ADCY5: variants seen among roughly 807,000 people sequenced by gnomAD.
ADCY5 encodes adenylate cyclase type 5.
Under a neutral mutation model 119.7 loss-of-function variants are expected in ADCY5, and 30 were observed. The ratio of observed to expected loss-of-function variants is 0.25; its 90% CI spans 0.19 to 0.34. The LOEUF is 0.34. Among genes scored for constraint, ADCY5 ranks in the 10% least tolerant of loss-of-function variants. The pLI is 1.00. For missense variants in ADCY5, 1,324 were observed against 1,775.2 expected, an observed-to-expected ratio of 0.75 and a Z score of 4.57; for synonymous variants, 753 against 762.2, an observed-to-expected ratio of 0.99 and a Z score of 0.20.
chr3:123,421,943 C>T (rs768539330), intron 1 of ADCY5, among the ~76,000 whole-genome samples: 98 of 152,148 alleles, frequency 6.4e-4, no homozygotes, highest in Non-Finnish European at 1.1e-3. Context: ...CCTCAACTCA[C>T]GGCCTTCTCC....
At chr3:123,360,317 G>A (rs1205779790) in intron 1 of ADCY5, among the ~76,000 whole-genome samples, 1 of 151,962 alleles carries the variant, frequency 6.6e-6, no homozygotes, top group East Asian at 1.9e-4. Flanking sequence ...AGACAACATC[G>A]CCTTTCTCCT....
At chr3:123,413,257 G>A (rs148428457) in intron 1 of ADCY5, among the ~76,000 whole-genome samples, 192 of 152,310 alleles carry the variant, frequency 1.3e-3, no homozygotes, top group African/African-American at 4.0e-3. Flanking sequence ...CCTAAAACAC[G>A]GAACACGGAA....
intron 3 of ADCY5, among the ~76,000 whole-genome samples, chr3:123,333,306 C>A (rs559921095): frequency 6.6e-6 from 1 of 152,344 alleles, no homozygotes; most frequent in South Asian, 2.1e-4. Flanking sequence ...GCCTCCAGAA[C>A]CGTGAGAAAT....
Position 123,448,122 on chromosome 3 carries a change from C to T in ADCY5, c.424G>A (p.Ala142Thr). Residue 142 changes from alanine to threonine, a missense_variant, in exon 1 of 21, where the codon GCG becomes ACG. This residue lies in a region of ADCY5 where 585 missense variants were observed against 569.9 expected (regional missense o/e 1.03). Transcript: ENST00000462833. ...TCCGTCCCGCCCGCCGAGGCAGCCGCCGCCGCCGAGCCGCCGCCGCCGCCC... is the reference window on the plus strand; with the variant it reads ...TCCGTCCCGCCCGCCGAGGCAGCCGTCGCCGCCGAGCCGCCGCCGCCGCCC... ...PAGGGGGSAA[A>T]AASAGGTEVR... 1.9e-6 allele frequency: 2 copies of T among 1,074,794 alleles called. No individual in the cohort carries two copies. The highest frequency in any genetic ancestry group is 2.2e-6 in the Non-Finnish European group (2 of 892,364). The allele number at this position is 1,074,794 out of a possible 1,614,324, so 66.6% of individuals were successfully genotyped here. A position where few individuals can be genotyped will look rare whatever the true frequency, so the allele number is the denominator to read the frequency against.
intron 1 of ADCY5, among the ~76,000 whole-genome samples, chr3:123,376,216 A>G (rs1240654547): frequency 6.7e-6 from 1 of 150,002 alleles, no homozygotes; most frequent in Non-Finnish European, 1.5e-5. Flanking sequence ...CAGTTAAGCT[A>G]AGGGGCTACT....
intron 15 of ADCY5, among the ~76,000 whole-genome samples, chr3:123,298,002 ATTT>A (rs1245950197): frequency 6.8e-6 from 1 of 146,972 alleles, no homozygotes; most frequent in Non-Finnish European, 1.5e-5. Context: ...GTGGCTTTTT[ATTT>A]TTTTATTTTT....
chr3:123,340,369 G>C (rs1010354040), intron 3 of ADCY5, among the ~76,000 whole-genome samples: 2 of 152,168 alleles, frequency 1.3e-5, no homozygotes, highest in Admixed American at 6.5e-5. Context: ...TTTGGGGCCT[G>C]ATTCTAACCC....
At chr3:123,297,528 C>A in intron 15 of ADCY5, 146 bp from the exon 16 acceptor site, 1 of 931,522 alleles carries the variant, frequency 1.1e-6, no homozygotes, top group Non-Finnish European at 1.7e-6. Flanking sequence ...CCATATCCAA[C>A]GACATTTTCA....
Position 123,368,057 on chromosome 3 carries a change from G to A in ADCY5, c.1135-15476C>T, listed in dbSNP as rs531854014. The A allele has an allele frequency of 4.0e-5, 58 of 1,453,336 alleles. No individual in the cohort carries two copies. In the East Asian group the frequency reaches 1.4e-3, roughly 34 times the overall value. 90.0% of individuals were successfully genotyped at this position (1,453,336 alleles called of 1,614,324 possible). A position where few individuals can be genotyped will look rare whatever the true frequency, so the allele number is the denominator to read the frequency against. The stretch of plus-strand genomic sequence containing the variant: ...GGCCCCAGAGATTGCCTGGGGGAGA[G>A]AGGCAGGAAGATTCAGTGAGAGGAG... On this transcript the variant is annotated intron_variant, in intron 1 of 20. Transcript: ENST00000462833.
At chr3:123,297,328 C>T (rs753540017) in intron 16 of ADCY5, 25 bp downstream of exon 16, 51 of 1,612,976 alleles carry the variant, frequency 3.2e-5, no homozygotes, top group Non-Finnish European at 4.1e-5. Flanking sequence ...CAGGGAGCGA[C>T]CCTATCCGAG....
Position 123,347,733 on chromosome 3 carries a change from G to A in ADCY5, c.1406+49C>T, listed in dbSNP as rs1487366275. ...AAAGGAAGTGGGATGTCTCCACAGG[G>A]GTCCAGCTCTCCCTCCCTTCCATCC... On this transcript the variant is annotated intron_variant, in intron 3 of 20. Transcript: ENST00000462833. 5 of 1,608,912 alleles carry A rather than the reference G, an allele frequency of 3.1e-6. No individual in the cohort carries two copies. In the East Asian group the frequency reaches 8.9e-5, roughly 29 times the overall value.
At chr3:123,331,876 C>T (rs1007444244) in intron 4 of ADCY5, among the ~76,000 whole-genome samples, 2 of 152,214 alleles carry the variant, frequency 1.3e-5, no homozygotes, top group African/African-American at 4.8e-5. Context: ...GGCACTGGCA[C>T]TGACGGCACC....
At position 123,408,213 on chromosome 3, in the gene ADCY5, G is replaced by A. The variant is rs111447498; in HGVS notation, c.1134+39199C>T. The stretch of plus-strand genomic sequence containing the variant: ...CATCACTTCCAAGGGATGCTCTACC[G>A]CATGAACATGGTCGTAACACGTATT... On this transcript the variant is annotated intron_variant, in intron 1 of 20. Transcript: ENST00000462833. Among the ~76,000 whole-genome samples, 14 of 152,204 alleles carry A rather than the reference G, an allele frequency of 9.2e-5. No homozygotes were observed. In the South Asian group the frequency reaches 1.2e-3, roughly 14 times the overall value.
intron 1 of ADCY5, among the ~76,000 whole-genome samples, chr3:123,365,288 CCT>C (rs1553737748): frequency 2.0e-5 from 3 of 152,162 alleles, no homozygotes; most frequent in Non-Finnish European, 2.9e-5. Flanking sequence ...AGCATGTTCC[CCT>C]GTTATTACAA....
At chr3:123,363,940 A>G (rs1943345381) in intron 1 of ADCY5, among the ~76,000 whole-genome samples, 1 of 152,208 alleles carries the variant, frequency 6.6e-6, no homozygotes, top group Non-Finnish European at 1.5e-5. Context: ...TTGGTGCTCA[A>G]TACCCTGGAA....
intron 1 of ADCY5, among the ~76,000 whole-genome samples, chr3:123,384,422 C>A (rs1272871829): frequency 1.3e-5 from 2 of 152,204 alleles, no homozygotes. Context: ...GTGCAGCCAC[C>A]CGCAGACAGC....
chr3:123,290,608 G>A (rs1363137359), intron 18 of ADCY5, among the ~76,000 whole-genome samples: 1 of 152,240 alleles, frequency 6.6e-6, no homozygotes, highest in Non-Finnish European at 1.5e-5. Context: ...ATGAAGGAAT[G>A]CTTCAATTTG....
At chr3:123,360,382 G>C (rs1943204752) in intron 1 of ADCY5, among the ~76,000 whole-genome samples, 1 of 151,918 alleles carries the variant, frequency 6.6e-6, no homozygotes, top group Non-Finnish European at 1.5e-5. Flanking sequence ...CCTTGCTCTG[G>C]AACTCCCCAT....
intron 1 of ADCY5, among the ~76,000 whole-genome samples, chr3:123,366,420 C>T (rs1225997427): frequency 4.6e-5 from 7 of 152,242 alleles, no homozygotes; most frequent in Admixed American, 4.6e-4. Flanking sequence ...ATCTGCCAAG[C>T]TCAGGGCCGA....
Sources: allele counts gnomAD v4.1 joint callset (sites outside exome capture counted in the v4.1 genomes callset), GRCh38; gene constraint gnomAD v4.1.1; regional missense constraint gnomAD v4.1.1; transcripts MANE v1.5; gene names NCBI Gene and HGNC (gene_info 2026-07-23, HGNC 2026-07-21).